SLC17A5: variants seen among roughly 807,000 people sequenced by gnomAD.
SLC17A5 encodes solute carrier family 17 member 5.
A neutral mutation model predicts 59.4 loss-of-function variants in SLC17A5; 47 were observed. The ratio of observed to expected loss-of-function variants is 0.79; its 90% confidence interval spans 0.63 to 1.01. The LOEUF (loss-of-function observed/expected upper bound fraction) is 1.01, where lower values mean the gene tolerates loss of function less well. SLC17A5 is among the 50% of genes least tolerant of loss of function. The probability of loss-of-function intolerance (pLI) is 0.00; values close to 1 mark genes in which losing one functional copy is unlikely to be tolerated. For synonymous variants in SLC17A5, 202 were observed against 210.7 expected, an observed-to-expected ratio of 0.96 and a Z score of 0.36; for missense variants, 522 against 595.5, an observed-to-expected ratio of 0.88 and a Z score of 1.28.
At chr6:73,626,915 G>A (rs1768446091) in intron 6 of SLC17A5, among the ~76,000 whole-genome samples, 1 of 151,978 alleles carries the variant, frequency 6.6e-6, no homozygotes, top group Non-Finnish European at 1.5e-5. Flanking sequence ...GGGATTATAA[G>A]CACTCACTGT....
chr6:73,600,154 T>C (rs931951724), intron 10 of SLC17A5, among the ~76,000 whole-genome samples, 197 bp downstream of exon 10: 1 of 152,224 alleles, frequency 6.6e-6, no homozygotes, highest in Non-Finnish European at 1.5e-5. Flanking sequence ...TTGACTTAGT[T>C]CAATTGTTTT....
chr6:73,623,987 G>A (rs936603561), intron 6 of SLC17A5, among the ~76,000 whole-genome samples: 9 of 151,972 alleles, frequency 5.9e-5, no homozygotes, highest in African/African-American at 1.7e-4. Flanking sequence ...GTGAGCCACC[G>A]TACCCGGCTG....
chr6:73,616,179 C>T (rs1017883404), intron 7 of SLC17A5, among the ~76,000 whole-genome samples: 1 of 152,040 alleles, frequency 6.6e-6, no homozygotes, highest in South Asian at 2.1e-4. Context: ...CCACCGCACC[C>T]GGCCTCATGA....
intron 6 of SLC17A5, among the ~76,000 whole-genome samples, chr6:73,626,053 A>C (rs1411573520): frequency 6.6e-6 from 1 of 152,230 alleles, no homozygotes; most frequent in East Asian, 1.9e-4. Context: ...TCATTCTTTT[A>C]TGCTGAAAGG....
chr6:73,650,507 CA>C (rs999445559), intron 1 of SLC17A5, among the ~76,000 whole-genome samples: 4,186 of 35,682 alleles, frequency 0.12, 71 homozygotes, highest in African/African-American at 0.28. Flanking sequence ...GACTCCGTCT[CA>C]AAAAAAAAAA....
In SLC17A5 at chr6:73,594,850, G is replaced by C. The variant is rs1766722531; in HGVS notation, c.*227C>G. 1 of 541,816 alleles carries C rather than the reference G, an allele frequency of 1.8e-6. No homozygotes were observed. Among genetic ancestry groups the C allele is most frequent in the African/African-American group, 1.9e-5 (1 of 52,584 alleles). 33.6% of individuals were successfully genotyped at this position (541,816 alleles called of 1,614,324 possible). A position where few individuals can be genotyped will look rare whatever the true frequency, so the allele number is the denominator to read the frequency against. On this transcript the variant is annotated 3_prime_UTR_variant, in exon 11 of 11. Coordinates refer to ENST00000355773, the MANE Select transcript of SLC17A5 (RefSeq NM_012434.5). ...TTCATGTTGCCCGACTAGCAGGCAGGTATGTGAACCTAAAGTAGAAGTCCT... is the reference window on the plus strand; with the variant it reads ...TTCATGTTGCCCGACTAGCAGGCAGCTATGTGAACCTAAAGTAGAAGTCCT...
At chr6:73,616,237 T>C (rs9442933) in intron 7 of SLC17A5, among the ~76,000 whole-genome samples, 57,330 of 151,834 alleles carry the variant, frequency 0.38, 11,921 homozygotes, top group African/African-American at 0.56. Context: ...TTGCCAGCCT[T>C]GCCAGAAGAC....
chr6:73,596,249 C>T (rs902347492), intron 10 of SLC17A5, among the ~76,000 whole-genome samples: 2 of 152,166 alleles, frequency 1.3e-5, no homozygotes, highest in Non-Finnish European at 1.5e-5. Context: ...TGCCTGTGCA[C>T]GGTCTCCTGG....
At chr6:73,615,468 C>T (rs772971293) in intron 7 of SLC17A5, 21 bp from the exon 8 acceptor site, 1 of 1,613,194 alleles carries the variant, frequency 6.2e-7, no homozygotes, top group Non-Finnish European at 8.5e-7. Context: ...TAAGAAGATA[C>T]AGGATTAATT....
intron 10 of SLC17A5, among the ~76,000 whole-genome samples, chr6:73,598,984 CA>C (rs1001974720): frequency 1.7e-4 from 23 of 135,318 alleles, no homozygotes; most frequent in African/African-American, 2.2e-4. Flanking sequence ...AACTCCGTCT[CA>C]AAAAAAAAAA....
intron 8 of SLC17A5, among the ~76,000 whole-genome samples, chr6:73,613,771 T>C (rs1581964812): frequency 1.3e-5 from 2 of 152,238 alleles, no homozygotes; most frequent in East Asian, 3.8e-4. Flanking sequence ...AATAAAAGAC[T>C]AATATTATCA....
intron 6 of SLC17A5, among the ~76,000 whole-genome samples, chr6:73,630,784 C>T (rs1484701797): frequency 6.6e-6 from 1 of 152,108 alleles, no homozygotes; most frequent in Non-Finnish European, 1.5e-5. Context: ...TGGTGGCTCC[C>T]ACCTGTAATA....
At chr6:73,618,506 TG>T in intron 7 of SLC17A5, 1 of 505,490 alleles carries the variant, frequency 2.0e-6, no homozygotes, top group African/African-American at 2.0e-5. Flanking sequence ...ACAGTAGTTT[TG>T]TGTGTTGGGT....
At chr6:73,613,041 C>CAA (rs59903043) in intron 8 of SLC17A5, among the ~76,000 whole-genome samples, 2 of 144,726 alleles carry the variant, frequency 1.4e-5, no homozygotes, top group African/African-American at 5.0e-5. Context: ...GACCCTGTCT[C>CAA]AAAAAAAAAA....
intron 8 of SLC17A5, among the ~76,000 whole-genome samples, chr6:73,612,464 C>T (rs1767675889): frequency 1.3e-5 from 2 of 152,150 alleles, no homozygotes; most frequent in South Asian, 4.1e-4. Context: ...CAGCCAGGGT[C>T]TTTTTATAAT....
intron 10 of SLC17A5, among the ~76,000 whole-genome samples, chr6:73,597,491 A>C (rs999060195): frequency 6.8e-6 from 1 of 147,960 alleles, no homozygotes; most frequent in African/African-American, 2.5e-5. Flanking sequence ...ACAAAACAAA[A>C]AAAACCAAGC....
intron 7 of SLC17A5, among the ~76,000 whole-genome samples, chr6:73,616,712 A>C (rs2150093340): frequency 6.6e-6 from 1 of 151,384 alleles, no homozygotes; most frequent in Non-Finnish European, 1.5e-5. Context: ...GGGTTCCAGC[A>C]ATTCTCCTGC....
intron 6 of SLC17A5, among the ~76,000 whole-genome samples, chr6:73,624,758 A>C (rs181349379): frequency 2.0e-5 from 3 of 152,224 alleles, no homozygotes; most frequent in Middle Eastern, 3.4e-3. Flanking sequence ...CTGTAGTCCC[A>C]GCTACTTGGG....
At chr6:73,641,993 G>C in intron 2 of SLC17A5, 69 bp from the exon 3 acceptor site, 1 of 1,302,590 alleles carries the variant, frequency 7.7e-7, no homozygotes, top group Non-Finnish European at 1.1e-6. Context: ...TCTCTTACTG[G>C]CATGTAAGTA....
Sources: gnomAD v4.1 joint callset for allele counts (sites outside exome capture counted in the v4.1 genomes callset) on GRCh38, gnomAD v4.1.1 for gene constraint, MANE v1.5 for transcripts, NCBI Gene and HGNC (gene_info 2026-07-23, HGNC 2026-07-21) for gene names.